Variants in ROBO2 observed in about 807,000 individuals in gnomAD.
The protein encoded by ROBO2 is roundabout homolog 2.
Under a neutral mutation model 160.8 loss-of-function variants are expected in ROBO2, and 53 were observed. The ratio of observed to expected loss-of-function variants is 0.33; its 90% confidence interval spans 0.26 to 0.41. The LOEUF is 0.41. Ranked by LOEUF, ROBO2 falls within the 10% of genes least tolerant of loss-of-function variation. ROBO2 has a pLI of 1.00. For missense variants in ROBO2, 1,577 were observed against 1,722.4 expected (o/e 0.92, Z 1.49); for synonymous variants, 664 against 611.7 (o/e 1.09, Z -1.26).
At chr3:76,914,621 A>C (rs566639871) in intron 2 of ROBO2, among the ~76,000 whole-genome samples, 3 of 152,244 alleles carry the variant, frequency 2.0e-5, no homozygotes, top group South Asian at 4.1e-4. Context: ...AATTTTTGTC[A>C]ATCGCTGGGA....
chr3:76,640,230 A>T (rs1211064067), intron 2 of ROBO2, among the ~76,000 whole-genome samples: 1 of 152,186 alleles, frequency 6.6e-6, no homozygotes, highest in Non-Finnish European at 1.5e-5. Flanking sequence ...AAACAGATAG[A>T]CATCAAAATA....
chr3:76,906,092 G>A (rs1342876080), intron 2 of ROBO2, among the ~76,000 whole-genome samples: 1 of 152,028 alleles, frequency 6.6e-6, no homozygotes, highest in Non-Finnish European at 1.5e-5. Flanking sequence ...TGAGTCTATG[G>A]ACAATTGATT....
intron 2 of ROBO2, among the ~76,000 whole-genome samples, chr3:77,389,510 A>C (rs990845116): frequency 4.6e-5 from 7 of 152,190 alleles, no homozygotes; most frequent in Non-Finnish European, 1.0e-4. Flanking sequence ...GTATTTAACC[A>C]GGAAAGTCAG....
intron 5 of ROBO2, among the ~76,000 whole-genome samples, chr3:77,521,086 G>A (rs775571538): frequency 7.3e-5 from 11 of 151,310 alleles, no homozygotes; most frequent in South Asian, 4.1e-4. Context: ...AACATGTATC[G>A]TGCTTTTTGT....
At chr3:76,343,623 C>T (rs899015588) in intron 2 of ROBO2, among the ~76,000 whole-genome samples, 21 of 151,616 alleles carry the variant, frequency 1.4e-4, no homozygotes, top group Admixed American at 1.1e-3. Flanking sequence ...TAAATATTGG[C>T]ATGTTTATTG....
At chr3:76,306,084 G>A (rs1032399260) in intron 2 of ROBO2, among the ~76,000 whole-genome samples, 13 of 152,110 alleles carry the variant, frequency 8.5e-5, no homozygotes, top group African/African-American at 2.9e-4. Flanking sequence ...ACTGTCAAAT[G>A]TCTTTTTGAG....
intron 2 of ROBO2, among the ~76,000 whole-genome samples, chr3:76,773,814 A>C (rs1019174177): frequency 6.6e-6 from 1 of 150,790 alleles, no homozygotes; most frequent in Non-Finnish European, 1.5e-5. Context: ...AAATCCTTGC[A>C]AAATGGCCCT....
intron 2 of ROBO2, among the ~76,000 whole-genome samples, chr3:77,381,087 G>A (rs893597090): frequency 3.3e-5 from 5 of 152,216 alleles, no homozygotes; most frequent in Admixed American, 2.0e-4. Flanking sequence ...AGGCCTAGGC[G>A]GGGGGATCAC....
intron 2 of ROBO2, among the ~76,000 whole-genome samples, chr3:76,836,980 C>T (rs150249641): frequency 5.5e-4 from 83 of 151,398 alleles, no homozygotes; most frequent in African/African-American, 2.0e-3. Context: ...TTTAAAGGGG[C>T]GTTAAAATAT....
At position 76,350,925 on chromosome 3, in the gene ROBO2, C is replaced by T. The variant is rs375377462; in HGVS notation, c.109+413323C>T. Among the ~76,000 whole-genome samples, 17 of 151,916 alleles carry T rather than the reference C, an allele frequency of 1.1e-4. No individual in the cohort carries two copies. In the South Asian group the frequency reaches 1.7e-3, roughly 15 times the overall value. ...TAAAAGGATCCTGGAAAAAGACAAT[C>T]GGGACACATAAGCATCTGTCTTGGA... is the stretch of plus-strand genomic sequence containing the variant. On this transcript the variant is annotated intron_variant, in intron 2 of 26. Transcript: ENST00000487694.
chr3:75,958,086 T>C (rs1299926212), intron 2 of ROBO2, among the ~76,000 whole-genome samples: 1 of 151,740 alleles, frequency 6.6e-6, no homozygotes, highest in African/African-American at 2.4e-5. Context: ...GGGCAACTGA[T>C]ATTAGAAAAA....
At chr3:76,898,444 G>A (rs1025076780) in intron 2 of ROBO2, among the ~76,000 whole-genome samples, 2 of 151,942 alleles carry the variant, frequency 1.3e-5, no homozygotes, top group African/African-American at 2.4e-5. Context: ...TGTATAAATA[G>A]CAAAAACTTT....
chr3:77,263,199 A>G (rs1008955127), intron 2 of ROBO2, among the ~76,000 whole-genome samples: 1 of 152,196 alleles, frequency 6.6e-6, no homozygotes, highest in Non-Finnish European at 1.5e-5. Flanking sequence ...GACTTCAGAG[A>G]GGCAAAGCTA....
At chr3:76,845,838 C>T (rs1160586953) in intron 2 of ROBO2, among the ~76,000 whole-genome samples, 1 of 152,024 alleles carries the variant, frequency 6.6e-6, no homozygotes, top group Non-Finnish European at 1.5e-5. Context: ...ATTATATTCT[C>T]ATTCTTTTCC....
intron 7 of ROBO2, among the ~76,000 whole-genome samples, chr3:77,547,052 A>G (rs532727608): frequency 6.6e-6 from 1 of 151,926 alleles, no homozygotes; most frequent in Admixed American, 6.6e-5. Flanking sequence ...AGGAACCCAT[A>G]CCTGTCTTGT....
At chr3:76,999,050 C>T (rs1046233540) in intron 2 of ROBO2, among the ~76,000 whole-genome samples, 3 of 151,974 alleles carry the variant, frequency 2.0e-5, no homozygotes, top group African/African-American at 7.2e-5. Context: ...CAAATTAGTC[C>T]AAATCCACAG....
chr3:76,504,005 C>T (rs1025776311), intron 2 of ROBO2, among the ~76,000 whole-genome samples: 1 of 152,116 alleles, frequency 6.6e-6, no homozygotes, highest in Admixed American at 6.6e-5. Flanking sequence ...TGCTCTTTCT[C>T]GTGTAAAATG....
chr3:76,781,102 TAC>T (rs1356918502), intron 2 of ROBO2, among the ~76,000 whole-genome samples: 2 of 150,878 alleles, frequency 1.3e-5, no homozygotes, highest in Non-Finnish European at 3.0e-5. Flanking sequence ...ATCAGTGTTT[TAC>T]AGTTTTTCAA....
At chr3:77,133,696 A>T (rs943719042) in intron 2 of ROBO2, among the ~76,000 whole-genome samples, 1 of 150,598 alleles carries the variant, frequency 6.6e-6, no homozygotes, top group Non-Finnish European at 1.5e-5. Flanking sequence ...TTAAAATAAC[A>T]TTACTGAGAA....
Sources: allele counts gnomAD v4.1 joint callset (sites outside exome capture counted in the v4.1 genomes callset), GRCh38; gene constraint gnomAD v4.1.1; transcripts MANE v1.5; gene names NCBI Gene and HGNC (gene_info 2026-07-23, HGNC 2026-07-21).